The following ALDH16A1 variants were observed in gnomAD, a reference collection of about 807,000 sequenced individuals.
ALDH16A1 encodes aldehyde dehydrogenase family 16 member A1.
A neutral mutation model predicts 96.1 loss-of-function variants in ALDH16A1; 88 were observed. The ratio of observed to expected loss-of-function variants is 0.92; its 90% confidence interval spans 0.77 to 1.09. The LOEUF (loss-of-function observed/expected upper bound fraction) is 1.09. ALDH16A1 is among the 50% of genes least tolerant of loss of function. ALDH16A1 has a pLI of 0.00. For missense variants in ALDH16A1, 1,250 were observed against 1,112.6 expected, an observed-to-expected ratio of 1.12 and a Z score of -1.76; for synonymous variants, 522 against 496.4, an observed-to-expected ratio of 1.05 and a Z score of -0.69.
At chr19:49,464,562 C>A (rs2079182218) in intron 11 of ALDH16A1, 40 bp downstream of exon 11, 1 of 1,613,388 alleles carries the variant, frequency 6.2e-7, no homozygotes, top group African/African-American at 1.3e-5. Flanking sequence ...CCCCCGCCGC[C>A]CCATGCCCTT....
At chr19:49,461,174 G>A (rs1392092946) in intron 5 of ALDH16A1, among the ~76,000 whole-genome samples, 2 of 141,510 alleles carry the variant, frequency 1.4e-5, no homozygotes, top group African/African-American at 2.9e-5. Context: ...TGAGGGAGGA[G>A]GGGCTGGGGT....
rs1222769961 is a variant in ALDH16A1 at position 49,468,171 on chromosome 19, AAAAG to A, written c.1939-205_1939-202del. 5.7e-5 allele frequency: 31 copies of A among 542,952 alleles called. No homozygotes were observed. Among genetic ancestry groups the A allele is most frequent in the Non-Finnish European group, 7.8e-5 (24 of 309,062 alleles). The allele number at this position is 542,952 out of a possible 1,614,324, so 33.6% of individuals were successfully genotyped here. A position where few individuals can be genotyped will look rare whatever the true frequency, so the allele number is the denominator to read the frequency against. ...TGAGAGTCCGTCTCAAAAAAAAAAAAAAAGAAAGGCGGTTATGCAGGATGTTTCT... is the reference window on the plus strand; with the variant it reads ...TGAGAGTCCGTCTCAAAAAAAAAAAAAAAGGCGGTTATGCAGGATGTTTCT... On this transcript the variant is annotated intron_variant, in intron 14 of 16. Transcript: ENST00000293350. This position sits in a 1 kb window ranked among gnomAD's most constrained non-coding sequence, Gnocchi z 4.4.
In ALDH16A1 at chr19:49,468,442, T is replaced by C; in HGVS notation, c.2000T>C (p.Val667Ala). Residue 667 changes from valine to alanine, a missense_variant, in exon 15 of 17, where the codon GTG becomes GCG. Physicochemically the swap from Val to Ala is moderately conservative, Grantham distance 64. Transcript: ENST00000293350. This position sits in a 1 kb window ranked among gnomAD's most constrained non-coding sequence, Gnocchi z 4.4. The part of the protein sequence containing the change: ...LREPLGVLAV[V>A]CPDEWPLLAF... ...GAGCCGCTGGGTGTGCTGGCTGTGG[T>C]GTGTCCGGACGAGTGGCCCCTGCTT... is the stretch of plus-strand genomic sequence containing the variant. 6.2e-7 allele frequency: 1 copy of C among 1,601,364 alleles called. No homozygotes were observed. Among genetic ancestry groups the C allele is most frequent in the Non-Finnish European group, 8.5e-7 (1 of 1,179,744 alleles).
At chr19:49,454,708 C>T (rs1052294547) in intron 1 of ALDH16A1, among the ~76,000 whole-genome samples, 3 of 152,222 alleles carry the variant, frequency 2.0e-5, no homozygotes, top group Admixed American at 2.0e-4. Flanking sequence ...GTGGAAGGAA[C>T]TGGATCAGAA....
chr19:49,458,981 T>A lies in ALDH16A1; in HGVS notation c.215T>A (p.Leu72Gln), dbSNP rs144208611. The part of the protein sequence containing the change: ...PITGENLASC[L>Q]QAQAEDVAAA... The stretch of plus-strand genomic sequence containing the variant: ...CCAGGAGAGAACTTGGCCAGTTGCC[T>A]GCAGGCACAGGCCGAGGATGTGGCT... Residue 72 changes from leucine (L) to glutamine (Q), a missense_variant, in exon 3 of 17, where the codon CTG becomes CAG. By Grantham distance (113) the Leu-to-Gln change is moderately radical. Transcript: ENST00000293350. 99 of 1,613,188 alleles carry A rather than the reference T, an allele frequency of 6.1e-5. No individual in the cohort carries two copies. The highest frequency in any genetic ancestry group is 7.6e-5 in the Non-Finnish European group (90 of 1,179,792).
chr19:49,457,276 A>G (rs1018561370), intron 1 of ALDH16A1, among the ~76,000 whole-genome samples: 10 of 151,894 alleles, frequency 6.6e-5, no homozygotes, highest in South Asian at 6.2e-4. Flanking sequence ...GTCCGGGCGC[A>G]GTGGCTCACG....
intron 2 of ALDH16A1, 75 bp downstream of exon 2, chr19:49,458,663 C>T: frequency 2.1e-6 from 3 of 1,458,782 alleles, no homozygotes; most frequent in Non-Finnish European, 2.8e-6. Flanking sequence ...ACACCCATTC[C>T]CCTTGCCTAG....
intron 1 of ALDH16A1, 166 bp downstream of exon 1, chr19:49,453,587 T>A: frequency 1.6e-6 from 1 of 628,070 alleles, no homozygotes; most frequent in South Asian, 2.1e-5. Context: ...GACGCTCCCT[T>A]GAGCCTTGGC....
rs2079193933 is a variant in ALDH16A1 at position 49,465,903 on chromosome 19, T to G, written c.1734T>G (p.Pro578=). 2 of 1,613,246 alleles carry G rather than the reference T, an allele frequency of 1.2e-6. No homozygotes were observed. The highest frequency in any genetic ancestry group is 1.3e-5 in the African/African-American group (1 of 74,860). Residue 578 remains proline, a splice_region_variant and synonymous_variant, in exon 13 of 17, where the codon CCT becomes CCG. Coordinates refer to ENST00000293350, the MANE Select transcript of ALDH16A1 (RefSeq NM_153329.4). ...GAVEAAHQAF[P]GWAGQSPGAR... ...TGGAGGCCGCTCACCAGGCTTTCCC[T>G]GGGTAAGGGGTCACACGGGAAAGCC...
chr19:49,459,842 C>G lies in ALDH16A1; in HGVS notation c.493C>G (p.Pro165Ala). 1 of 1,613,144 alleles carries G rather than the reference C, an allele frequency of 6.2e-7. No homozygotes were observed. The highest frequency in any genetic ancestry group is 8.5e-7 in the Non-Finnish European group (1 of 1,179,772). The change falls in exon 4 of 17, where the codon CCC (proline) becomes GCC (alanine). Residue 165 changes from proline (P) to alanine (A), a missense_variant. Coordinates refer to ENST00000293350, the MANE Select transcript of ALDH16A1 (RefSeq NM_153329.4). This position sits in a 1 kb window ranked among gnomAD's most constrained non-coding sequence, Gnocchi z 4.1. ...GGAGGAGGCACTGGCAGGCTGGGAG[C>G]CCATGGGTGAGACCCTGGAGTCCCT... ...TQEEALAGWE[P>A]MGVIGLILPP...
In ALDH16A1 at chr19:49,463,962, A is replaced by C; in HGVS notation, c.1194+13A>C. 1.2e-6 allele frequency: 2 copies of C among 1,603,190 alleles called. No individual in the cohort carries two copies. The highest frequency in any genetic ancestry group is 2.7e-5 in the African/African-American group (2 of 74,790). ...TGCCCAGGTGGAGGTGAGACCCTTA[A>C]GGCTGCAGAGCTCCTACCCACCGCC... On this transcript the variant is annotated intron_variant, in intron 9 of 16. Coordinates refer to ENST00000293350, the MANE Select transcript of ALDH16A1 (RefSeq NM_153329.4).
At chr19:49,462,167 T>C in intron 7 of ALDH16A1, 131 bp downstream of exon 7, 1 of 1,324,448 alleles carries the variant, frequency 7.6e-7, no homozygotes, top group Non-Finnish European at 9.8e-7. Flanking sequence ...AGTTTCACTC[T>C]TGTCGCCCAG....
At chr19:49,469,762 G>A (rs1055016598) in intron 16 of ALDH16A1, 1 of 151,162 alleles carries the variant, frequency 6.6e-6, no homozygotes, top group Non-Finnish European at 1.5e-5. Flanking sequence ...TTTTTTTTTA[G>A]TAGAGATGGG....
intron 1 of ALDH16A1, 187 bp downstream of exon 1, chr19:49,453,608 T>A: frequency 1.8e-6 from 1 of 559,652 alleles, no homozygotes; most frequent in Non-Finnish European, 3.2e-6. Flanking sequence ...GGTGGCAGCC[T>A]TTTAGTCTGT....
At position 49,459,671 on chromosome 19, in the gene ALDH16A1, C is replaced by A. The variant is rs1274531051; in HGVS notation, c.322C>A (p.Leu108Met). 1 of 1,604,130 alleles carries A rather than the reference C, an allele frequency of 6.2e-7. No homozygotes were observed. The highest frequency in any genetic ancestry group is 1.3e-5 in the African/African-American group (1 of 74,408). Residue 108 changes from leucine to methionine, a missense_variant and splice_region_variant, in exon 4 of 17, where the codon CTG becomes ATG. Coordinates refer to ENST00000293350, the MANE Select transcript of ALDH16A1 (RefSeq NM_153329.4). This position sits in a 1 kb window ranked among gnomAD's most constrained non-coding sequence, Gnocchi z 4.1. ...AGCACCCTCTTGCTTTCTCGACAGGCTGGCCGAGGTGATCCAGAAGCACCA... is the reference window on the plus strand; with the variant it reads ...AGCACCCTCTTGCTTTCTCGACAGGATGGCCGAGGTGATCCAGAAGCACCA... Reference protein sequence around the residue: ...GVVRAQHLTRLAEVIQKHQRL... With the variant: ...GVVRAQHLTRMAEVIQKHQRL...
intron 1 of ALDH16A1, among the ~76,000 whole-genome samples, chr19:49,455,757 G>T (rs1020587646): frequency 3.9e-5 from 6 of 152,140 alleles, no homozygotes; most frequent in Admixed American, 3.9e-4. Flanking sequence ...AACATAAAAA[G>T]TGAAGTTGAG....
chr19:49,465,749 C>G lies in ALDH16A1; in HGVS notation c.1580C>G (p.Pro527Arg), dbSNP rs150414818. 2,432 of 1,613,694 alleles carry G rather than the reference C, an allele frequency of 1.5e-3. 5 individuals are homozygous for G. The highest frequency in any genetic ancestry group is 1.5e-3 in the South Asian group (137 of 91,054). Residue 527 changes from proline (P) to arginine (R), a missense_variant, in exon 13 of 17, where the codon CCC becomes CGC. Physicochemically the swap from Pro to Arg is moderately radical, Grantham distance 103 (BLOSUM62 -2). Coordinates refer to ENST00000293350, the MANE Select transcript of ALDH16A1 (RefSeq NM_153329.4). ...CCACCCTACTCCAGCCCAGCACCCC[C>G]CTATGGGCTCTTCGTTGGGGGCCGT... ...GPEIGPSPAP[P>R]YGLFVGGRFQ...
At position 49,468,339 on chromosome 19, in the gene ALDH16A1, C is replaced by T. The variant is rs11879863; in HGVS notation, c.1939-42C>T. On this transcript the variant is annotated intron_variant, in intron 14 of 16. Transcript: ENST00000293350. The surrounding 1 kb of genome is among the most constrained non-coding windows in gnomAD (Gnocchi z 4.4). ...AACTGGATCTCTCATTTACTGCGGG[C>T]GGGGCTCCCCTGCCCCACACGTGAC... The T allele has an allele frequency of 0.35, 549,586 of 1,574,088 alleles. 97,832 individuals are homozygous for T. The highest frequency in any genetic ancestry group is 0.51 in the Middle Eastern group (2,251 of 4,430).
intron 16 of ALDH16A1, 112 bp downstream of exon 16, chr19:49,469,098 C>T: frequency 1.4e-6 from 2 of 1,454,258 alleles, no homozygotes; most frequent in Admixed American, 4.4e-5. Context: ...AGGGGAGAAA[C>T]TCCTTGACAA....
Sources: allele counts gnomAD v4.1 joint callset (sites outside exome capture counted in the v4.1 genomes callset), GRCh38; gene constraint gnomAD v4.1.1; non-coding constraint Gnocchi (gnomAD v3.1); transcripts MANE v1.5; gene names NCBI Gene and HGNC (gene_info 2026-07-23, HGNC 2026-07-21).